CNTLN: variants seen among roughly 807,000 people sequenced by gnomAD.
CNTLN encodes the protein centlein, also known as centlein, centrosomal protein.
A neutral mutation model predicts 180.0 loss-of-function variants in CNTLN; 212 were observed. That is an observed-to-expected ratio of 1.18 (90% confidence interval 1.05 to 1.32). The LOEUF is 1.32. CNTLN is among the 40% of genes most tolerant of loss of function. The probability of loss-of-function intolerance (pLI) is 0.00; values close to 1 mark genes in which losing one functional copy is unlikely to be tolerated. For synonymous variants in CNTLN, 722 were observed against 563.1 expected (o/e 1.28, Z -3.99); for missense variants, 2,095 against 1,610.9 (o/e 1.30, Z -5.14).
Position 17,371,533 on chromosome 9 carries a change from A to G in CNTLN, c.1987+4816A>G, listed in dbSNP as rs558594343. ...TTCAATGATAGCTGCAGGCTTTAGT[A>G]TCCCACTTTCAGCATTGGACAGATC... is the stretch of plus-strand genomic sequence containing the variant. On this transcript the variant is annotated intron_variant, in intron 13 of 25. Transcript: ENST00000380647. Among the ~76,000 whole-genome samples the G allele has an allele frequency of 9.9e-5, 15 of 152,272 alleles. No homozygotes were observed. The East Asian group carries it at 2.7e-3, about 27-fold the overall frequency.
intron 5 of CNTLN, among the ~76,000 whole-genome samples, chr9:17,258,816 A>T (rs1464949421): frequency 6.9e-6 from 1 of 144,932 alleles, no homozygotes; most frequent in Non-Finnish European, 1.5e-5. Context: ...ATTTTTGTAC[A>T]TTGATTTTGT....
intron 2 of CNTLN, among the ~76,000 whole-genome samples, chr9:17,218,649 A>C (rs1823924816): frequency 1.3e-5 from 2 of 152,170 alleles, no homozygotes; most frequent in Non-Finnish European, 2.9e-5. Context: ...TCTGCATTTT[A>C]ATAGGTTCTC....
chr9:17,181,681 T>C (rs1821133184), intron 2 of CNTLN, among the ~76,000 whole-genome samples: 1 of 152,238 alleles, frequency 6.6e-6, no homozygotes. Context: ...GATGACATTC[T>C]ATCAGAGGAG....
At chr9:17,223,953 G>C (rs1278734551) in intron 2 of CNTLN, among the ~76,000 whole-genome samples, 1 of 151,844 alleles carries the variant, frequency 6.6e-6, no homozygotes. Context: ...CTTTGCTCTT[G>C]CTACTAGTTC....
At chr9:17,428,754 G>A (rs2133967902) in intron 18 of CNTLN, among the ~76,000 whole-genome samples, 1 of 151,812 alleles carries the variant, frequency 6.6e-6, no homozygotes, top group South Asian at 2.1e-4. Flanking sequence ...CTAACTAGTA[G>A]GCCTTCTTTA....
chr9:17,462,092 C>A (rs1277749701), intron 19 of CNTLN, among the ~76,000 whole-genome samples: 1 of 151,746 alleles, frequency 6.6e-6, no homozygotes, highest in Non-Finnish European at 1.5e-5. Flanking sequence ...TACCATTATT[C>A]TCTAACAAAC....
intron 6 of CNTLN, among the ~76,000 whole-genome samples, chr9:17,282,107 T>C (rs184985001): frequency 1.5e-4 from 23 of 152,038 alleles, no homozygotes; most frequent in African/African-American, 5.3e-4. Flanking sequence ...GGACTACAGG[T>C]GTGTGCCACC....
chr9:17,183,854 A>T (rs545078996), intron 2 of CNTLN, among the ~76,000 whole-genome samples: 4 of 152,212 alleles, frequency 2.6e-5, no homozygotes, highest in Middle Eastern at 3.4e-3. Flanking sequence ...CATAGTAAAG[A>T]TAGTATTATT....
At chr9:17,419,160 ATG>A (rs1283048609) in intron 18 of CNTLN, among the ~76,000 whole-genome samples, 1 of 152,098 alleles carries the variant, frequency 6.6e-6, no homozygotes, top group Non-Finnish European at 1.5e-5. Context: ...CTCTAAAGAT[ATG>A]TGTTACATAT....
rs551587866 is a variant in CNTLN at position 17,175,403 on chromosome 9, G to A, written c.449+32027G>A. Among the ~76,000 whole-genome samples the A allele has an allele frequency of 7.2e-5, 11 of 152,048 alleles. No homozygotes were observed. The East Asian group carries it at 7.7e-4, about 11-fold the overall frequency. On this transcript the variant is annotated intron_variant, in intron 2 of 25. Coordinates refer to ENST00000380647, the MANE Select transcript of CNTLN (RefSeq NM_017738.4). ...TCTAGCACAATTTGTTAAAAGTATC[G>A]TCCTCTTCCCATTGAACTATTTTGC...
intron 7 of CNTLN, among the ~76,000 whole-genome samples, chr9:17,303,768 A>G (rs1044987804): frequency 6.6e-6 from 1 of 152,116 alleles, no homozygotes; most frequent in Non-Finnish European, 1.5e-5. Flanking sequence ...TAATCTTGCA[A>G]TAATGAGATG....
intron 5 of CNTLN, among the ~76,000 whole-genome samples, chr9:17,273,026 C>G (rs1828057578): frequency 6.6e-6 from 1 of 151,838 alleles, no homozygotes; most frequent in Non-Finnish European, 1.5e-5. Flanking sequence ...AGTGCTTTAT[C>G]TAAAACTTGG....
intron 23 of CNTLN, among the ~76,000 whole-genome samples, chr9:17,473,602 A>G: frequency 6.7e-6 from 1 of 149,232 alleles, no homozygotes; most frequent in African/African-American, 2.5e-5. Context: ...CAAAAAAAAA[A>G]AAAACAAAAC....
At chr9:17,425,497 A>C (rs542873140) in intron 18 of CNTLN, among the ~76,000 whole-genome samples, 1 of 152,172 alleles carries the variant, frequency 6.6e-6, no homozygotes, top group South Asian at 2.1e-4. Flanking sequence ...TTCTTTTAGC[A>C]ACCCAGTCTG....
At chr9:17,401,102 A>T (rs1826938123) in intron 15 of CNTLN, among the ~76,000 whole-genome samples, 1 of 152,202 alleles carries the variant, frequency 6.6e-6, no homozygotes, top group East Asian at 1.9e-4. Flanking sequence ...TGAAAATAGC[A>T]ATCTTGCTTT....
chr9:17,264,714 A>C (rs375439042), intron 5 of CNTLN, among the ~76,000 whole-genome samples: 5 of 151,996 alleles, frequency 3.3e-5, no homozygotes, highest in East Asian at 1.9e-4. Context: ...CTTTTATTTC[A>C]TTGAGCAGTG....
intron 2 of CNTLN, among the ~76,000 whole-genome samples, chr9:17,218,642 G>A (rs1823924468): frequency 6.6e-6 from 1 of 152,068 alleles, no homozygotes; most frequent in South Asian, 2.1e-4. Context: ...TATAAAATCT[G>A]CATTTTAATA....
At chr9:17,517,950 C>T in the CNTLN span, among the ~76,000 whole-genome samples, 14 of 150,978 alleles carry the variant, frequency 9.3e-5, no homozygotes, top group African/African-American at 3.2e-4. Flanking sequence ...CCTTTAACCA[C>T]CCCCCAAGGA....
At chr9:17,441,751 G>A (rs1478544700) in intron 18 of CNTLN, among the ~76,000 whole-genome samples, 2 of 152,068 alleles carry the variant, frequency 1.3e-5, no homozygotes, top group Non-Finnish European at 2.9e-5. Context: ...AAGAGATGGA[G>A]AGTTGCCGAA....
Sources: gnomAD v4.1 joint callset for allele counts (sites outside exome capture counted in the v4.1 genomes callset) on GRCh38, gnomAD v4.1.1 for gene constraint, MANE v1.5 for transcripts, NCBI Gene and HGNC (gene_info 2026-07-23, HGNC 2026-07-21) for gene names.